Variants in NCAM2 observed in about 807,000 individuals in gnomAD.
The protein encoded by NCAM2 is N-CAM-2.
Under a neutral mutation model 98.1 loss-of-function variants are expected in NCAM2, and 30 were observed. The ratio of observed to expected loss-of-function variants is 0.31; its 90% CI spans 0.23 to 0.41. The LOEUF is 0.41. NCAM2 is among the 10% of genes least tolerant of loss of function. NCAM2 has a pLI of 1.00. For missense variants in NCAM2, 867 were observed against 1,005.8 expected (o/e 0.86, Z 1.87); for synonymous variants, 368 against 342.4 (o/e 1.07, Z -0.83).
intron 15 of NCAM2, among the ~76,000 whole-genome samples, chr21:21,496,213 G>A (rs1987223689): frequency 6.6e-6 from 1 of 151,654 alleles, no homozygotes; most frequent in Non-Finnish European, 1.5e-5. Context: ...TCAGTGGCTG[G>A]ACTAAGTTGC....
At chr21:21,414,177 C>A (rs2076940759) in intron 10 of NCAM2, among the ~76,000 whole-genome samples, 2 of 152,172 alleles carry the variant, frequency 1.3e-5, no homozygotes, top group African/African-American at 4.8e-5. Context: ...TCATTCACTT[C>A]TTCAGGCTCC....
chr21:21,092,444 T>A (rs890736117), intron 1 of NCAM2, among the ~76,000 whole-genome samples: 1 of 151,752 alleles, frequency 6.6e-6, no homozygotes, highest in Non-Finnish European at 1.5e-5. Flanking sequence ...GAATGAATAA[T>A]ATTATTAATT....
intron 9 of NCAM2, among the ~76,000 whole-genome samples, chr21:21,400,351 T>G (rs1198528711): frequency 6.6e-6 from 1 of 152,236 alleles, no homozygotes; most frequent in Non-Finnish European, 1.5e-5. Context: ...TTCATTGTGA[T>G]AACAGCTAAA....
chr21:21,443,315 A>C (rs755085533), intron 12 of NCAM2, among the ~76,000 whole-genome samples: 49 of 152,218 alleles, frequency 3.2e-4, no homozygotes, highest in Non-Finnish European at 5.6e-4. Context: ...TAGGAGAAAT[A>C]CCTAATGTAA....
chr21:21,236,340 C>T (rs1279749796), intron 1 of NCAM2, among the ~76,000 whole-genome samples: 1 of 151,970 alleles, frequency 6.6e-6, no homozygotes, highest in African/African-American at 2.4e-5. Context: ...TCGTTGATAT[C>T]ACAACCATCA....
intron 1 of NCAM2, among the ~76,000 whole-genome samples, chr21:21,080,648 T>A (rs1413623514): frequency 4.9e-5 from 1 of 20,376 alleles, no homozygotes; most frequent in Non-Finnish European, 1.1e-4. Flanking sequence ...TTGGAATTGA[T>A]AAGATCTCAA....
At chr21:21,222,925 C>T (rs889126387) in intron 1 of NCAM2, among the ~76,000 whole-genome samples, 8 of 152,140 alleles carry the variant, frequency 5.3e-5, no homozygotes, top group African/African-American at 1.9e-4. Context: ...TTATTGTTGT[C>T]TTGTTTTAAG....
chr21:21,429,184 A>AT (rs1569053362), intron 11 of NCAM2, among the ~76,000 whole-genome samples: 1 of 152,234 alleles, frequency 6.6e-6, no homozygotes, highest in African/African-American at 2.4e-5. Flanking sequence ...AAAACGGACT[A>AT]TATAACTAGA....
In NCAM2 at chr21:21,208,309, T is replaced by A. The variant is rs149524715; in HGVS notation, c.56-72269T>A. Reference sequence around the variant, plus strand: ...AATAAAATAGAACATATTAAAAGTATGTTTTAATTATCACTTCAAACCATT... The same window carrying A: ...AATAAAATAGAACATATTAAAAGTAAGTTTTAATTATCACTTCAAACCATT... On this transcript the variant is annotated intron_variant, in intron 1 of 17. Coordinates refer to ENST00000400546, the MANE Select transcript of NCAM2 (RefSeq NM_004540.5). Among the ~76,000 whole-genome samples, 74 of 152,296 alleles carry A rather than the reference T, an allele frequency of 4.9e-4. 1 individual carries two copies. The East Asian group carries it at 0.012, about 25-fold the overall frequency.
intron 12 of NCAM2, among the ~76,000 whole-genome samples, chr21:21,436,733 C>T (rs187423673): frequency 8.6e-5 from 13 of 150,884 alleles, no homozygotes; most frequent in Non-Finnish European, 1.6e-4. Flanking sequence ...CATCCCCTTC[C>T]AATAAGTATG....
intron 1 of NCAM2, among the ~76,000 whole-genome samples, chr21:21,030,757 C>T (rs565461044): frequency 3.3e-5 from 5 of 152,146 alleles, no homozygotes; most frequent in African/African-American, 9.6e-5. Flanking sequence ...AGCTCCAAAG[C>T]GATGATTCAG....
At chr21:21,390,163 T>A (rs1255722039) in intron 9 of NCAM2, among the ~76,000 whole-genome samples, 1 of 152,178 alleles carries the variant, frequency 6.6e-6, no homozygotes. Context: ...TATTTTTTTT[T>A]ATATTGACTA....
chr21:20,998,626 T>A lies in NCAM2; in HGVS notation c.55+8T>A. 6.2e-7 allele frequency: 1 copy of A among 1,613,374 alleles called. No individual in the cohort carries two copies. Among genetic ancestry groups the A allele is most frequent in the Non-Finnish European group, 8.5e-7 (1 of 1,179,572 alleles). ...TTGTCAGTAGCGGGCAAGGTAGGAG[T>A]GTGGCGCTTTATTGCATTTACTTTC... On this transcript the variant is annotated splice_region_variant and intron_variant, in intron 1 of 17. Transcript: ENST00000400546.
intron 5 of NCAM2, among the ~76,000 whole-genome samples, chr21:21,294,710 C>T (rs879467419): frequency 7.2e-5 from 11 of 151,914 alleles, no homozygotes; most frequent in Middle Eastern, 3.4e-3. Context: ...TGCCATCAGA[C>T]GCCTGTGCTT....
At chr21:21,025,624 TCTC>T (rs1366871057) in intron 1 of NCAM2, among the ~76,000 whole-genome samples, 2 of 496 alleles carry the variant, frequency 4.0e-3, no homozygotes, top group Admixed American at 0.038. Context: ...AGGAATTTAT[TCTC>T]CTATGTACCC....
intron 1 of NCAM2, among the ~76,000 whole-genome samples, chr21:21,065,344 T>C (rs956883919): frequency 6.6e-6 from 1 of 152,166 alleles, no homozygotes; most frequent in South Asian, 2.1e-4. Flanking sequence ...GTCTTTTTTT[T>C]CCCACTTGAT....
At chr21:21,383,463 A>T (rs1287380482) in intron 9 of NCAM2, among the ~76,000 whole-genome samples, 1 of 152,058 alleles carries the variant, frequency 6.6e-6, no homozygotes, top group Non-Finnish European at 1.5e-5. Context: ...ATCACTTTGA[A>T]CCTCTTCAAC....
At position 21,236,194 on chromosome 21, in the gene NCAM2, T is replaced by G. The variant is rs747857253; in HGVS notation, c.56-44384T>G. Among the ~76,000 whole-genome samples the G allele has an allele frequency of 1.6e-4, 25 of 152,008 alleles. 1 individual carries two copies. The highest frequency in any genetic ancestry group is 3.3e-4 in the Admixed American group (5 of 15,238). On this transcript the variant is annotated intron_variant, in intron 1 of 17. Coordinates refer to ENST00000400546, the MANE Select transcript of NCAM2 (RefSeq NM_004540.5). ...ATAAATAAATAAAGCGCTTCCTATCTAGGAAATCCCAAGATGTTATCTCTG... is the reference window on the plus strand; with the variant it reads ...ATAAATAAATAAAGCGCTTCCTATCGAGGAAATCCCAAGATGTTATCTCTG...
At chr21:21,054,518 G>A (rs192098910) in intron 1 of NCAM2, among the ~76,000 whole-genome samples, 1 of 152,078 alleles carries the variant, frequency 6.6e-6, no homozygotes, top group East Asian at 1.9e-4. Context: ...TATAACCATA[G>A]ACTCGATAAT....
Sources: gnomAD v4.1 joint callset for allele counts (sites outside exome capture counted in the v4.1 genomes callset) on GRCh38, gnomAD v4.1.1 for gene constraint, MANE v1.5 for transcripts, NCBI Gene and HGNC (gene_info 2026-07-23, HGNC 2026-07-21) for gene names.